The following GCNT2 variants were observed in gnomAD, a reference collection of about 807,000 sequenced individuals.
GCNT2 encodes the protein glucosaminyl (N-acetyl) transferase 2 (I blood group), also known as N-acetyllactosaminide beta-1,6-N-acetylglucosaminyl-transferase.
In GCNT2, 34 loss-of-function variants were observed where a neutral mutation model predicts 34.2. The observed-to-expected ratio is 1.00, with a 90% CI of 0.76 to 1.32. The LOEUF (loss-of-function observed/expected upper bound fraction) is 1.32, where lower values mean the gene tolerates loss of function less well. Among genes scored for constraint, GCNT2 ranks in the 40% most tolerant of loss-of-function variants. The probability of loss-of-function intolerance (pLI) is 0.00; values close to 1 mark genes in which losing one functional copy is unlikely to be tolerated. For synonymous variants in GCNT2, 212 were observed against 188.0 expected, an observed-to-expected ratio of 1.13 and a Z score of -1.04; for missense variants, 584 against 489.4, an observed-to-expected ratio of 1.19 and a Z score of -1.82.
At chr6:10,541,508 T>C (rs944491897) in intron 3 of GCNT2, among the ~76,000 whole-genome samples, 13 of 152,240 alleles carry the variant, frequency 8.5e-5, no homozygotes, top group Non-Finnish European at 4.4e-5. Flanking sequence ...GAATGATTTA[T>C]ATTCCTTTGG....
intron 3 of GCNT2, among the ~76,000 whole-genome samples, chr6:10,563,769 AAAAAAAAAATATATATATAT>A (rs1763138474): frequency 7.1e-5 from 5 of 70,160 alleles, no homozygotes; most frequent in African/African-American, 1.8e-4. Flanking sequence ...AAAAAAAAAA[AAAAAAAAAATATATATATAT>A]ATATATATAT....
intron 3 of GCNT2, chr6:10,619,623 G>C (rs1765946921): frequency 6.6e-6 from 1 of 152,282 alleles, no homozygotes; most frequent in African/African-American, 2.4e-5. Flanking sequence ...CAAAGCACTA[G>C]GATTACAGGT....
chr6:10,624,538 C>T lies in GCNT2; in HGVS notation c.1019-1879C>T, dbSNP rs186368384. 1.2e-3 allele frequency among the ~76,000 whole-genome samples: 180 copies of T among 152,304 alleles called. 1 individual carries two copies. Among genetic ancestry groups the T allele is most frequent in the African/African-American group, 3.9e-3 (164 of 41,570 alleles). ...CCACAACACATGGGAATTATGGGAG[C>T]TGCAATTCAAGATGAGATTTGGGTG... is the stretch of plus-strand genomic sequence containing the variant. On this transcript the variant is annotated intron_variant, in intron 4 of 4. Transcript: ENST00000495262.
chr6:10,587,932 C>A (rs577236651), intron 3 of GCNT2, among the ~76,000 whole-genome samples: 22 of 152,350 alleles, frequency 1.4e-4, no homozygotes, highest in Non-Finnish European at 3.1e-4. Flanking sequence ...ACCACACATA[C>A]ATACACACCT....
intron 3 of GCNT2, among the ~76,000 whole-genome samples, chr6:10,551,423 TTTTATTA>T (rs1457253635): frequency 1.4e-5 from 2 of 147,758 alleles, no homozygotes; most frequent in Non-Finnish European, 3.0e-5. Context: ...ATTTTTTAAT[TTTTATTA>T]TTTATTATTA....
chr6:10,590,711 G>C (rs35088102), intron 3 of GCNT2, among the ~76,000 whole-genome samples: 16,665 of 151,976 alleles, frequency 0.11, 1,100 homozygotes, highest in Middle Eastern at 0.17. Context: ...CCACCACCAA[G>C]CCCGGCTAAT....
chr6:10,626,332 G>T, intron 4 of GCNT2, 85 bp from the exon 5 acceptor site: 2 of 961,324 alleles, frequency 2.1e-6, no homozygotes, highest in East Asian at 2.4e-5. Flanking sequence ...TAGTTAGTCG[G>T]AGAGTACCTC....
intron 3 of GCNT2, among the ~76,000 whole-genome samples, chr6:10,558,944 A>G (rs959640252): frequency 2.6e-5 from 4 of 152,220 alleles, no homozygotes; most frequent in Non-Finnish European, 5.9e-5. Flanking sequence ...TCATATTTAA[A>G]TATTTATTCC....
Position 10,626,610 on chromosome 6 carries a change from T to G in GCNT2, c.*3T>G, listed in dbSNP as rs915043876. On this transcript the variant is annotated 3_prime_UTR_variant, in exon 5 of 5. Coordinates refer to ENST00000495262, the MANE Select transcript of GCNT2 (RefSeq NM_145649.5). ...TACAACCCAGCTGGTATTTTTGAGC[T>G]ATTCATGAGCTACTCATGACTGAAG... The G allele has an allele frequency of 6.2e-7, 1 of 1,609,582 alleles. No homozygotes were observed. The highest frequency in any genetic ancestry group is 8.5e-7 in the Non-Finnish European group (1 of 1,175,972).
chr6:10,524,444 G>A (rs1316145926), intron 1 of GCNT2, among the ~76,000 whole-genome samples: 1 of 151,974 alleles, frequency 6.6e-6, no homozygotes, highest in Non-Finnish European at 1.5e-5. Context: ...TAGAGACAGG[G>A]TTTCTCCATG....
intron 3 of GCNT2, among the ~76,000 whole-genome samples, chr6:10,565,485 C>G (rs1047238386): frequency 4.6e-5 from 7 of 152,198 alleles, no homozygotes; most frequent in Non-Finnish European, 1.0e-4. Flanking sequence ...CCACGACCAG[C>G]TATCACCAGA....
chr6:10,548,031 C>A (rs1762341239), intron 3 of GCNT2, among the ~76,000 whole-genome samples: 1 of 152,180 alleles, frequency 6.6e-6, no homozygotes, highest in South Asian at 2.1e-4. Flanking sequence ...TGCACTTAAC[C>A]TGCCCCAGTC....
chr6:10,556,749 C>G, intron 3 of GCNT2: 1 of 1,614,142 alleles, frequency 6.2e-7, no homozygotes, highest in African/African-American at 1.3e-5. Flanking sequence ...GACACCTTTG[C>G]AAGGCTCTTC....
At chr6:10,593,877 C>T (rs13204993) in intron 3 of GCNT2, among the ~76,000 whole-genome samples, 16,700 of 152,178 alleles carry the variant, frequency 0.11, 1,084 homozygotes, top group Middle Eastern at 0.17. Context: ...CACATGCTAT[C>T]AGGTAAACGA....
chr6:10,554,041 AAGTG>A (rs1183325598), intron 3 of GCNT2, among the ~76,000 whole-genome samples: 1 of 152,248 alleles, frequency 6.6e-6, no homozygotes, highest in African/African-American at 2.4e-5. Flanking sequence ...ATTCTATCCA[AAGTG>A]AGTGACAAGG....
chr6:10,597,227 C>G (rs1245766357), intron 3 of GCNT2, among the ~76,000 whole-genome samples: 1 of 144,786 alleles, frequency 6.9e-6, no homozygotes, highest in Non-Finnish European at 1.5e-5. Flanking sequence ...ATGATCTCGG[C>G]TCACTGCAAC....
intron 3 of GCNT2, chr6:10,557,432 A>G (rs2113666661): frequency 4.0e-6 from 4 of 989,076 alleles, no homozygotes; most frequent in Middle Eastern, 2.1e-4. Context: ...AGGAAGTAGA[A>G]GATGAAAACT....
At chr6:10,573,804 T>A (rs191540101) in intron 3 of GCNT2, among the ~76,000 whole-genome samples, 87 of 152,290 alleles carry the variant, frequency 5.7e-4, no homozygotes, top group Non-Finnish European at 1.0e-3. Context: ...CAGGCTGCAA[T>A]TGGGAATGAA....
At chr6:10,563,302 A>T (rs966333824) in intron 3 of GCNT2, among the ~76,000 whole-genome samples, 1 of 152,218 alleles carries the variant, frequency 6.6e-6, no homozygotes, top group Non-Finnish European at 1.5e-5. Flanking sequence ...TCATAAAAAC[A>T]TGTTCAATAA....
Sources: allele counts gnomAD v4.1 joint callset (sites outside exome capture counted in the v4.1 genomes callset), GRCh38; gene constraint gnomAD v4.1.1; transcripts MANE v1.5; gene names NCBI Gene and HGNC (gene_info 2026-07-23, HGNC 2026-07-21).